The following DCAF6 variants were observed in gnomAD, a reference collection of about 807,000 sequenced individuals.
DCAF6 encodes the protein DDB1- and CUL4-associated factor 6.
DCAF6 carries 54 observed loss-of-function variants against 125.1 expected under a neutral mutation model. The ratio of observed to expected loss-of-function variants is 0.43; its 90% confidence interval spans 0.35 to 0.54. The LOEUF is 0.54. DCAF6 is among the 20% of genes least tolerant of loss of function. The probability of loss-of-function intolerance (pLI) is 0.01; values close to 1 mark genes in which losing one functional copy is unlikely to be tolerated. For missense variants in DCAF6, 934 were observed against 1,161.7 expected (o/e 0.80, Z 2.85); for synonymous variants, 371 against 390.4 (o/e 0.95, Z 0.58).
At chr1:168,051,380 T>G (rs1288847519) in intron 17 of DCAF6, among the ~76,000 whole-genome samples, 1 of 152,228 alleles carries the variant, frequency 6.6e-6, no homozygotes, top group East Asian at 1.9e-4. Context: ...AGGTTTCTGA[T>G]TTTTGCAAGA....
intron 7 of DCAF6, among the ~76,000 whole-genome samples, chr1:167,996,800 G>C (rs1681774064): frequency 6.6e-6 from 1 of 152,110 alleles, no homozygotes; most frequent in Non-Finnish European, 1.5e-5. Flanking sequence ...TACTCTGCCT[G>C]AAATGCTCTT....
chr1:167,935,670 A>T (rs1289430940), upstream of DCAF6: 1 of 1,419,678 alleles, frequency 7.0e-7, no homozygotes, highest in Non-Finnish European at 9.7e-7. Flanking sequence ...GGGCCTCTAA[A>T]AGGTCCATTT....
chr1:167,878,002 C>T, the DCAF6 span, among the ~76,000 whole-genome samples: 1 of 152,162 alleles, frequency 6.6e-6, no homozygotes, highest in Non-Finnish European at 1.5e-5. Context: ...CAAAGTGACA[C>T]CCATAAATCT....
At chr1:168,029,167 A>G (rs1182601737) in intron 12 of DCAF6, among the ~76,000 whole-genome samples, 2 of 152,080 alleles carry the variant, frequency 1.3e-5, no homozygotes, top group African/African-American at 2.4e-5. Context: ...TCAAACCTAT[A>G]CCTCCAGTTT....
At position 167,992,282 on chromosome 1, in the gene DCAF6, CAA is replaced by C. The variant is rs201603473; in HGVS notation, c.689-942_689-941del. Among the ~76,000 whole-genome samples the C allele has an allele frequency of 6.3e-3, 763 of 121,726 alleles. 5 individuals carry two copies. The highest frequency in any genetic ancestry group is 0.024 in the African/African-American group (716 of 30,278). 79.9% of individuals were successfully genotyped at this position (121,726 alleles called of 152,430 possible). On this transcript the variant is annotated intron_variant, in intron 6 of 21. Coordinates refer to ENST00000367840, the MANE Select transcript of DCAF6 (RefSeq NM_001198956.2). The stretch of plus-strand genomic sequence containing the variant: ...ACACACACACACACACACACACACA[CAA>C]ACACCGAATGCACATTCATATATTC...
chr1:168,037,191 CTGAGAT>C lies in DCAF6; in HGVS notation c.1610-1178_1610-1173del, dbSNP rs565896401. Among the ~76,000 whole-genome samples, 904 of 150,432 alleles carry C rather than the reference CTGAGAT, an allele frequency of 6.0e-3. 4 individuals carry two copies. The highest frequency in any genetic ancestry group is 0.021 in the African/African-American group (869 of 40,890). ...GGGTTCCTCCCACCACTGAGCCCCG[CTGAGAT>C]TCTCTTAATGTGTGCTCCAACATCT... On this transcript the variant is annotated intron_variant, in intron 12 of 21. Coordinates refer to ENST00000367840, the MANE Select transcript of DCAF6 (RefSeq NM_001198956.2).
At chr1:167,947,359 C>A (rs1415372596) in intron 1 of DCAF6, among the ~76,000 whole-genome samples, 1 of 149,472 alleles carries the variant, frequency 6.7e-6, no homozygotes, top group Non-Finnish European at 1.5e-5. Context: ...TTTTTTCAGT[C>A]CATATTTCAT....
intron 16 of DCAF6, among the ~76,000 whole-genome samples, chr1:168,048,524 C>T (rs1352352751): frequency 6.6e-6 from 1 of 152,110 alleles, no homozygotes; most frequent in Non-Finnish European, 1.5e-5. Context: ...TATTTACATT[C>T]TTATAATTTG....
the DCAF6 span, among the ~76,000 whole-genome samples, chr1:167,872,030 A>G: frequency 2.0e-5 from 3 of 152,148 alleles, no homozygotes; most frequent in East Asian, 5.8e-4. Flanking sequence ...ATAATAAAAA[A>G]TAAATAAATA....
At chr1:167,955,189 T>TG (rs1314496484) in intron 2 of DCAF6, among the ~76,000 whole-genome samples, 2 of 152,230 alleles carry the variant, frequency 1.3e-5, no homozygotes, top group African/African-American at 4.8e-5. Context: ...CAGTGGACAT[T>TG]GGGTTGTATC....
chr1:167,988,985 AAGG>A (rs966027655), intron 5 of DCAF6, among the ~76,000 whole-genome samples: 19 of 151,912 alleles, frequency 1.3e-4, no homozygotes, highest in Admixed American at 1.2e-3. Flanking sequence ...GAGGCTGAGG[AAGG>A]AGAATTGCTT....
At chr1:167,952,001 T>A (rs1472499361) in intron 2 of DCAF6, 140 bp downstream of exon 2, 2 of 535,392 alleles carry the variant, frequency 3.7e-6, no homozygotes, top group Middle Eastern at 5.0e-4. Context: ...AATATAAAAT[T>A]ATATTTTGAA....
chr1:167,985,676 C>T (rs541533689), intron 4 of DCAF6, among the ~76,000 whole-genome samples: 196 of 152,256 alleles, frequency 1.3e-3, no homozygotes, highest in African/African-American at 4.5e-3. Context: ...ATGTAGATAT[C>T]TTTGGGCTAC....
In DCAF6 at chr1:168,063,858, A is replaced by C. The variant is rs115506969; in HGVS notation, c.2439+99A>C. The C allele has an allele frequency of 2.5e-3, 2,835 of 1,142,564 alleles. 42 individuals carry two copies. The African/African-American group carries it at 0.037, about 15-fold the overall frequency. The allele number at this position is 1,142,564 out of a possible 1,614,324, so 70.8% of individuals were successfully genotyped here. On this transcript the variant is annotated intron_variant, in intron 18 of 21. Transcript: ENST00000367840. ...CTTCATATATTGCCAATGGGATTTC[A>C]GTATTACATTATTAAATCTTCAGTT...
At chr1:168,042,935 G>A (rs1411268401) in intron 13 of DCAF6, 90 bp from the exon 14 acceptor site, 1 of 836,528 alleles carries the variant, frequency 1.2e-6, no homozygotes, top group Non-Finnish European at 1.8e-6. Context: ...GAATTTTTTG[G>A]TCTACCTTTC....
the DCAF6 span, among the ~76,000 whole-genome samples, chr1:167,926,746 C>T: frequency 1.0e-3 from 155 of 152,250 alleles, no homozygotes; most frequent in African/African-American, 3.2e-3. Flanking sequence ...TGGCCTAGGG[C>T]GACTGATAAG....
intron 10 of DCAF6, among the ~76,000 whole-genome samples, chr1:168,005,453 A>G (rs1683217052): frequency 6.6e-6 from 1 of 152,086 alleles, no homozygotes; most frequent in Non-Finnish European, 1.5e-5. Context: ...GGAATGTGCT[A>G]GTATTTATAA....
At chr1:167,933,293 AAG>A (rs756983542), upstream of DCAF6, among the ~76,000 whole-genome samples, 30 of 150,906 alleles carry the variant, frequency 2.0e-4, no homozygotes, top group Non-Finnish European at 3.1e-4. Flanking sequence ...TCAGCCTCCC[AAG>A]TAGCTGAGAT....
intron 1 of DCAF6, among the ~76,000 whole-genome samples, chr1:167,946,411 T>C (rs1673098455): frequency 6.6e-6 from 1 of 152,174 alleles, no homozygotes; most frequent in Admixed American, 6.5e-5. Context: ...CAATACTATA[T>C]TGAAGAGTGG....
Sources: allele counts gnomAD v4.1 joint callset (sites outside exome capture counted in the v4.1 genomes callset), GRCh38; gene constraint gnomAD v4.1.1; transcripts MANE v1.5; gene names NCBI Gene and HGNC (gene_info 2026-07-23, HGNC 2026-07-21).